The following SLX4 variants were observed in gnomAD, a reference collection of about 807,000 sequenced individuals.
The protein encoded by SLX4 is SLX4 structure-specific endonuclease subunit, also known as structure-specific endonuclease subunit SLX4.
A neutral mutation model predicts 146.2 loss-of-function variants in SLX4; 112 were observed. That is an observed-to-expected ratio of 0.77 (90% CI 0.66 to 0.90). The LOEUF is 0.90. SLX4 is among the 40% of genes least tolerant of loss of function. The pLI is 0.00. For synonymous variants in SLX4, 1,061 were observed against 997.7 expected, an observed-to-expected ratio of 1.06 and a Z score of -1.20; for missense variants, 2,563 against 2,392.7, an observed-to-expected ratio of 1.07 and a Z score of -1.49.
chr16:3,588,181 A>T (rs567881165), intron 12 of SLX4, among the ~76,000 whole-genome samples: 1 of 152,314 alleles, frequency 6.6e-6, no homozygotes, highest in African/African-American at 2.4e-5. Flanking sequence ...CTATTTGCAA[A>T]ACATTTTCAC....
rs369852048 is a variant in SLX4, at chr16:3,584,859, C to T, written c.4649G>A (p.Arg1550Gln). ...EGLETPKGAN[R>Q]KKNLPPKVPI... ...CACTTTGGGGGGCAAGTTCTTCTTC[C>T]GATTAGCACCTTCTGGGTAAAACAA... Residue 1550 changes from arginine to glutamine, a missense_variant, in exon 13 of 15, where the codon CGG becomes CAG. By Grantham distance (43) the Arg-to-Gln change is conservative. Coordinates refer to ENST00000294008, the MANE Select transcript of SLX4 (RefSeq NM_032444.4). 3.0e-5 allele frequency: 49 copies of T among 1,612,796 alleles called. No homozygotes were observed. In the East Asian group the frequency reaches 4.9e-4, roughly 16 times the overall value.
Position 3,601,112 on chromosome 16 carries a change from G to A in SLX4, c.1030C>T (p.Leu344Phe), listed in dbSNP as rs1420745582. The change falls in exon 5 of 15, where the codon CTT (leucine) becomes TTT (phenylalanine). Residue 344 changes from leucine to phenylalanine, a missense_variant. Transcript: ENST00000294008. Reference protein sequence around the residue: ...PECPICGKPFLTLKSRTSHLK... With the variant: ...PECPICGKPFFTLKSRTSHLK... ...TGACTGGTTCTGCTCTTTAAGGTAA[G>A]AAACGGTTTCCCACAAATCGGGCAC... is the stretch of plus-strand genomic sequence containing the variant. The A allele has an allele frequency of 6.2e-7, 1 of 1,614,162 alleles. No individual in the cohort carries two copies. Among genetic ancestry groups the A allele is most frequent in the African/African-American group, 1.3e-5 (1 of 75,028 alleles).
At chr16:3,605,174 C>G (rs2040769104) in intron 3 of SLX4, among the ~76,000 whole-genome samples, 1 of 152,052 alleles carries the variant, frequency 6.6e-6, no homozygotes, top group African/African-American at 2.4e-5. Flanking sequence ...ACTGCAAGCT[C>G]TGTCTCCCAG....
At chr16:3,594,673 G>T (rs1464002331) in intron 9 of SLX4, 74 bp from the exon 10 acceptor site, 2 of 1,600,352 alleles carry the variant, frequency 1.2e-6, no homozygotes, top group Non-Finnish European at 1.7e-6. Flanking sequence ...GAAGCTCCCC[G>T]CATGGAGGTG....
At chr16:3,606,312 C>G (rs1329818126) in intron 3 of SLX4, among the ~76,000 whole-genome samples, 162 bp downstream of exon 3, 1 of 152,140 alleles carries the variant, frequency 6.6e-6, no homozygotes, top group Non-Finnish European at 1.5e-5. Flanking sequence ...CCCAGAGACT[C>G]TTCATTCTCT....
At chr16:3,600,531 C>CCTAA (rs1483390304) in intron 5 of SLX4, 1 of 213,660 alleles carries the variant, frequency 4.7e-6, no homozygotes, top group Non-Finnish European at 9.4e-6. Flanking sequence ...CGATTTCCGC[C>CCTAA]CTAAGTGTTT....
At position 3,588,394 on chromosome 16, in the gene SLX4, G is replaced by A. The variant is rs369558380; in HGVS notation, c.4636+608C>T. Among the ~76,000 whole-genome samples the A allele has an allele frequency of 9.2e-5, 14 of 152,340 alleles. No homozygotes were observed. The East Asian group carries it at 2.3e-3, about 25-fold the overall frequency. On this transcript the variant is annotated intron_variant, in intron 12 of 14. Transcript: ENST00000294008. Reference sequence around the variant, plus strand: ...TTTTCTGGGTCGTCCACGCGGTAGCGTGTGGCAGTGCCTCACTCCTCTTTG... The same window carrying A: ...TTTTCTGGGTCGTCCACGCGGTAGCATGTGGCAGTGCCTCACTCCTCTTTG...
chr16:3,592,937 G>C (rs567894429), intron 10 of SLX4, 72 bp from the exon 11 acceptor site: 3 of 1,476,862 alleles, frequency 2.0e-6, no homozygotes, highest in Non-Finnish European at 2.7e-6. Context: ...AGACGGTCTG[G>C]GGTGTCCTGC....
rs189836659 is a variant in SLX4 at position 3,608,302 on chromosome 16, C to A, written c.535+128G>T. 1.5e-5 allele frequency: 15 copies of A among 997,364 alleles called. No individual in the cohort carries two copies. In the East Asian group the frequency reaches 3.6e-4, roughly 24 times the overall value. The allele number at this position is 997,364 out of a possible 1,614,324, so 61.8% of individuals were successfully genotyped here. A position where few individuals can be genotyped will look rare whatever the true frequency, so the allele number is the denominator to read the frequency against. On this transcript the variant is annotated intron_variant, in intron 2 of 14. Transcript: ENST00000294008. The stretch of plus-strand genomic sequence containing the variant: ...TTCATTTACATATTGTCCACGCCTG[C>A]TTTCTCACTATGACAGCAGAGTTGA...
At position 3,601,043 on chromosome 16, in the gene SLX4, G is replaced by A; in HGVS notation, c.1099C>T (p.Leu367=). 4 of 1,614,016 alleles carry A rather than the reference G, an allele frequency of 2.5e-6. No homozygotes were observed. Among genetic ancestry groups the A allele is most frequent in the Non-Finnish European group, 3.4e-6 (4 of 1,180,022 alleles). The change falls in exon 5 of 15, where the codon CTG becomes TTG. Residue 367 remains leucine, a synonymous_variant. Transcript: ENST00000294008. ...GTCTGCAGCCGCACAGCCTGAAGCA[G>A]GAGCTGGGGGCCAACCTCCATCTTC... The part of the protein sequence containing the change: ...AVKMEVGPQL[L]LQAVRLQTAQ...
chr16:3,603,745 C>A (rs539063831), intron 3 of SLX4, among the ~76,000 whole-genome samples: 1 of 152,306 alleles, frequency 6.6e-6, no homozygotes, highest in South Asian at 2.1e-4. Context: ...CTTATTGGGC[C>A]GGTGCCACAC....
At position 3,596,280 on chromosome 16, in the gene SLX4, G is replaced by A. The variant is rs1364015120; in HGVS notation, c.1797C>T (p.Gly599=). 1.9e-6 allele frequency: 3 copies of A among 1,567,704 alleles called. No individual in the cohort carries two copies. Among genetic ancestry groups the A allele is most frequent in the Non-Finnish European group, 1.7e-6 (2 of 1,157,368 alleles). ...GTPTAGCGSR[G]PSPSASQREH... ...CCCTCTGGCTGGCCGAAGGCGACGG[G>A]CCCCTGGAGCCACAGCCTGCAGTGG... Residue 599 remains glycine (G), a synonymous_variant, in exon 8 of 15, where the codon GGC becomes GGT. Coordinates refer to ENST00000294008, the MANE Select transcript of SLX4 (RefSeq NM_032444.4).
rs1276163880 is a variant in SLX4, at chr16:3,590,250, T to C, written c.3388A>G (p.Asn1130Asp). 6 of 1,614,088 alleles carry C rather than the reference T, an allele frequency of 3.7e-6. No homozygotes were observed. Among genetic ancestry groups the C allele is most frequent in the Non-Finnish European group, 5.1e-6 (6 of 1,180,042 alleles). ...KSPSIDLTQS[N>D]PDHSSSRSQK... ...GATCTGGAGCTCGAATGGTCAGGAT[T>C]TGACTGGGTTAGGTCAATAGACGGA... Residue 1130 changes from asparagine (N) to aspartate (D), a missense_variant, in exon 12 of 15, where the codon AAT (asparagine) becomes GAT (aspartate). Asn to Asp is a conservative substitution (Grantham distance 23, BLOSUM62 1). Coordinates refer to ENST00000294008, the MANE Select transcript of SLX4 (RefSeq NM_032444.4). The surrounding 1 kb of genome is among the most constrained non-coding windows in gnomAD (Gnocchi z 4.8).
At position 3,592,835 on chromosome 16, in the gene SLX4, C is replaced by A; in HGVS notation, c.2191G>T (p.Asp731Tyr). ...VNNEGFSAVE[D>Y]GVLTQRVLLG... ...AGGACACGCTGGGTCAGAACCCCGT[C>A]CTCTACAGCGGAGAAGCCTTCATTG... Residue 731 changes from aspartate to tyrosine, a missense_variant, in exon 11 of 15, where the codon GAC becomes TAC. By Grantham distance (160) the Asp-to-Tyr change is radical. Transcript: ENST00000294008. The A allele has an allele frequency of 1.2e-6, 2 of 1,612,192 alleles. No homozygotes were observed. Among genetic ancestry groups the A allele is most frequent in the Non-Finnish European group, 8.5e-7 (1 of 1,179,930 alleles).
chr16:3,590,740 C>G lies in SLX4; in HGVS notation c.2898G>C (p.Gln966His). 6.2e-7 allele frequency: 1 copy of G among 1,614,136 alleles called. No homozygotes were observed. The highest frequency in any genetic ancestry group is 8.5e-7 in the Non-Finnish European group (1 of 1,180,040). Residue 966 changes from glutamine (Q) to histidine (H), a missense_variant, in exon 12 of 15, where the codon CAG (glutamine) becomes CAC (histidine). Coordinates refer to ENST00000294008, the MANE Select transcript of SLX4 (RefSeq NM_032444.4). The surrounding 1 kb of genome is among the most constrained non-coding windows in gnomAD (Gnocchi z 4.8). ...SSCSSPSRDC[Q>H]AERKEGSLPH... is the part of the protein sequence containing the mutation. ...GAAGAGAGCCTTCTTTTCTCTCTGCCTGGCAGTCCCTGGAAGGGCTGGAGC... is the reference window on the plus strand; with the variant it reads ...GAAGAGAGCCTTCTTTTCTCTCTGCGTGGCAGTCCCTGGAAGGGCTGGAGC...
In SLX4 at chr16:3,589,371, T is replaced by C. The variant is rs953994627; in HGVS notation, c.4267A>G (p.Ile1423Val). Residue 1423 changes from isoleucine (I) to valine (V), a missense_variant, in exon 12 of 15, where the codon ATT (isoleucine) becomes GTT (valine). Coordinates refer to ENST00000294008, the MANE Select transcript of SLX4 (RefSeq NM_032444.4). This position sits in a 1 kb window ranked among gnomAD's most constrained non-coding sequence, Gnocchi z 6.2. Reference sequence around the variant, plus strand: ...TCCATGTGCCAGCAGCAGTCGTCAATTGGAATTGGGGGGTCACTGTCCAGT... The same window carrying C: ...TCCATGTGCCAGCAGCAGTCGTCAACTGGAATTGGGGGGTCACTGTCCAGT... Reference protein sequence around the residue: ...PPLDSDPPIPIDDCCWHMEPL... With the variant: ...PPLDSDPPIPVDDCCWHMEPL... 20 of 1,587,670 alleles carry C rather than the reference T, an allele frequency of 1.3e-5. No individual in the cohort carries two copies. Among genetic ancestry groups the C allele is most frequent in the Middle Eastern group, 1.7e-4 (1 of 5,940 alleles).
chr16:3,586,949 GCT>G lies in SLX4; in HGVS notation c.4636+2051_4636+2052del, dbSNP rs142019923. Among the ~76,000 whole-genome samples, 832 of 152,274 alleles carry G rather than the reference GCT, an allele frequency of 5.5e-3. 40 individuals are homozygous for G. In the East Asian group the frequency reaches 0.12, roughly 22 times the overall value. Reference sequence around the variant, plus strand: ...AAAGGCCACATATTAGTTATATATGGCTCTGTTTATATGAAATGTCCAGGACA... The same window carrying G: ...AAAGGCCACATATTAGTTATATATGGCTGTTTATATGAAATGTCCAGGACA... On this transcript the variant is annotated intron_variant, in intron 12 of 14. Coordinates refer to ENST00000294008, the MANE Select transcript of SLX4 (RefSeq NM_032444.4).
chr16:3,596,076 T>G (rs1596526281), intron 8 of SLX4, 77 bp downstream of exon 8: 1 of 1,513,340 alleles, frequency 6.6e-7, no homozygotes, highest in Non-Finnish European at 8.8e-7. Context: ...CAAGAGCCAG[T>G]CCATGGCAGC....
chr16:3,598,928 G>A (rs1261681220), intron 5 of SLX4, among the ~76,000 whole-genome samples: 3 of 152,194 alleles, frequency 2.0e-5, no homozygotes, highest in African/African-American at 4.8e-5. Flanking sequence ...CGGGGCATGC[G>A]TTCTGATGAC....
Sources: gnomAD v4.1 joint callset for allele counts (sites outside exome capture counted in the v4.1 genomes callset) on GRCh38, gnomAD v4.1.1 for gene constraint, Gnocchi (gnomAD v3.1) non-coding constraint, MANE v1.5 for transcripts, NCBI Gene and HGNC (gene_info 2026-07-23, HGNC 2026-07-21) for gene names.